FOXP1: variants seen among roughly 807,000 people sequenced by gnomAD.
FOXP1 encodes forkhead box protein P1.
A neutral mutation model predicts 98.2 loss-of-function variants in FOXP1; 15 were observed. The ratio of observed to expected loss-of-function variants is 0.15; its 90% confidence interval spans 0.10 to 0.24. FOXP1 has a LOEUF of 0.24. Among genes scored for constraint, FOXP1 ranks in the 10% least tolerant of loss-of-function variants. FOXP1 has a pLI of 1.00. For synonymous variants in FOXP1, 371 were observed against 314.5 expected (o/e 1.18, Z -1.90); for missense variants, 633 against 848.5 (o/e 0.75, Z 3.15).
intron 6 of FOXP1, among the ~76,000 whole-genome samples, chr3:71,177,600 A>G (rs1454423548): frequency 1.3e-5 from 2 of 152,172 alleles, no homozygotes; most frequent in African/African-American, 4.8e-5. Flanking sequence ...GGGCTTGTCC[A>G]GTCGTAAGCT....
intron 17 of FOXP1, among the ~76,000 whole-genome samples, chr3:70,976,546 T>G (rs2037569259): frequency 6.6e-6 from 1 of 152,236 alleles, no homozygotes; most frequent in Admixed American, 6.5e-5. Flanking sequence ...TTTCTCCAGG[T>G]TCCATCTCTG....
intron 9 of FOXP1, among the ~76,000 whole-genome samples, chr3:71,050,077 T>G (rs1488830382): frequency 6.6e-6 from 1 of 152,176 alleles, no homozygotes; most frequent in Non-Finnish European, 1.5e-5. Flanking sequence ...TACAATGTCT[T>G]GCTTTCTCCT....
chr3:71,419,776 T>G (rs1347256792), intron 3 of FOXP1, among the ~76,000 whole-genome samples: 1 of 152,120 alleles, frequency 6.6e-6, no homozygotes, highest in African/African-American at 2.4e-5. Context: ...CATACATATA[T>G]GCACACACAC....
intron 3 of FOXP1, among the ~76,000 whole-genome samples, chr3:71,469,835 T>C (rs1003398327): frequency 1.9e-4 from 29 of 152,188 alleles, no homozygotes; most frequent in African/African-American, 7.0e-4. Flanking sequence ...TGCACACAGA[T>C]GATGTGCAGT....
At chr3:71,049,072 C>A (rs147676898) in intron 9 of FOXP1, among the ~76,000 whole-genome samples, 1 of 152,074 alleles carries the variant, frequency 6.6e-6, no homozygotes, top group African/African-American at 2.4e-5. Flanking sequence ...GATACGGGTC[C>A]ATTTGTTTAC....
chr3:71,345,435 CACACACACAT>C (rs1434982646), intron 4 of FOXP1, among the ~76,000 whole-genome samples: 34 of 143,698 alleles, frequency 2.4e-4, no homozygotes, highest in Admixed American at 1.8e-3. Context: ...CACACACACA[CACACACACAT>C]ATATATACCA....
intron 5 of FOXP1, among the ~76,000 whole-genome samples, chr3:71,206,516 C>T (rs2064046504): frequency 1.3e-5 from 2 of 152,036 alleles, no homozygotes; most frequent in South Asian, 2.1e-4. Context: ...ATAGAGTTGG[C>T]GGGATAGGGT....
intron 6 of FOXP1, among the ~76,000 whole-genome samples, chr3:71,153,139 G>A (rs1377543381): frequency 2.0e-5 from 3 of 152,180 alleles, no homozygotes; most frequent in African/African-American, 7.2e-5. Flanking sequence ...TAAAGGCACA[G>A]AGGGGTACCC....
chr3:71,574,374 C>A (rs1203915509), intron 2 of FOXP1: 1 of 152,176 alleles, frequency 6.6e-6, no homozygotes, highest in African/African-American at 2.4e-5. Context: ...GTCTCAACAA[C>A]TTTTATTTAA....
chr3:70,956,415 C>CTTT lies in FOXP1; in HGVS notation c.*2829_*2831dup, dbSNP rs112098084. ...CAAAGATATGTAAAATCTAATTTTT[C>CTTT]TTTTTTTTTTTTTTTTGCTACAGTC... On this transcript the variant is annotated 3_prime_UTR_variant, in exon 21 of 21. Transcript: ENST00000649528. 11 of 186,580 alleles carry CTTT rather than the reference C, an allele frequency of 5.9e-5. No individual in the cohort carries two copies. The highest frequency in any genetic ancestry group is 7.5e-5 in the East Asian group (1 of 13,384). The allele number at this position is 186,580 out of a possible 1,614,324, so 11.6% of individuals were successfully genotyped here. A position where few individuals can be genotyped will look rare whatever the true frequency, so the allele number is the denominator to read the frequency against.
At chr3:71,142,622 C>T (rs951795900) in intron 6 of FOXP1, among the ~76,000 whole-genome samples, 12 of 152,314 alleles carry the variant, frequency 7.9e-5, no homozygotes, top group Admixed American at 7.2e-4. Context: ...GAAGCAGGGA[C>T]CTCAGTCCTA....
chr3:70,977,230 T>C (rs529772572), intron 16 of FOXP1, among the ~76,000 whole-genome samples, 188 bp from the exon 17 acceptor site: 1 of 152,280 alleles, frequency 6.6e-6, no homozygotes, highest in South Asian at 2.1e-4. Context: ...AATTATCTAA[T>C]TGTTTTGAGT....
At chr3:71,216,334 G>A (rs1264283055) in intron 5 of FOXP1, among the ~76,000 whole-genome samples, 1 of 152,226 alleles carries the variant, frequency 6.6e-6, no homozygotes, top group Non-Finnish European at 1.5e-5. Flanking sequence ...ACAAATTTCT[G>A]GTTCTTTTCC....
chr3:71,161,874 GAT>G (rs1225835406), intron 6 of FOXP1, among the ~76,000 whole-genome samples: 13 of 152,308 alleles, frequency 8.5e-5, no homozygotes, highest in Middle Eastern at 3.4e-3. Context: ...CCACTACATA[GAT>G]AAAAATCAAC....
chr3:71,095,881 G>A (rs1342171971), intron 7 of FOXP1, among the ~76,000 whole-genome samples: 1 of 152,174 alleles, frequency 6.6e-6, no homozygotes, highest in East Asian at 1.9e-4. Flanking sequence ...TAGAGAAAAG[G>A]AGATGAACTG....
intron 3 of FOXP1, among the ~76,000 whole-genome samples, chr3:71,381,800 A>G (rs2080200511): frequency 6.6e-6 from 1 of 152,050 alleles, no homozygotes; most frequent in Admixed American, 6.5e-5. Context: ...CACTCCTACC[A>G]ACATAGATGC....
intron 4 of FOXP1, among the ~76,000 whole-genome samples, chr3:71,300,104 G>T (rs920865602): frequency 1.3e-5 from 2 of 152,152 alleles, no homozygotes; most frequent in African/African-American, 4.8e-5. Flanking sequence ...AAGTCAAGGT[G>T]AAACATTTCA....
intron 4 of FOXP1, among the ~76,000 whole-genome samples, chr3:71,321,496 G>C (rs1437586820): frequency 3.9e-5 from 6 of 152,172 alleles, no homozygotes. Context: ...TAACACATAA[G>C]ACTATAGACA....
At chr3:71,460,848 T>G (rs886153359) in intron 3 of FOXP1, among the ~76,000 whole-genome samples, 3 of 152,196 alleles carry the variant, frequency 2.0e-5, no homozygotes, top group Non-Finnish European at 4.4e-5. Flanking sequence ...CTTAGCAAAA[T>G]TTGATTGTAC....
Sources: allele counts gnomAD v4.1 joint callset (sites outside exome capture counted in the v4.1 genomes callset), GRCh38; gene constraint gnomAD v4.1.1; transcripts MANE v1.5; gene names NCBI Gene and HGNC (gene_info 2026-07-23, HGNC 2026-07-21).